Variants in UBE2A observed in about 807,000 individuals in gnomAD.
UBE2A encodes ubiquitin conjugating enzyme E2 A.
For synonymous variants in UBE2A, 39 were observed against 41.1 expected (o/e 0.95, Z 0.20); for missense variants, 27 against 125.8 (o/e 0.21, Z 3.76).
Position 119,583,138 on chromosome X carries a change from T to C in UBE2A, c.342T>C (p.Asp114=), listed in dbSNP as rs1034217853. Residue 114 remains aspartate, a synonymous_variant, in exon 6 of 6, where the codon GAT becomes GAC. Transcript: ENST00000371558. ...AATTGTCTCTTTAGTCTCTGTTGGA[T>C]GAACCCAATCCCAATAGTCCAGCAA... The part of the protein sequence containing the change: ...SILTSIQSLL[D]EPNPNSPANS... 5.8e-6 allele frequency: 7 copies of C among 1,211,652 alleles called. No individual in the cohort carries two copies. Among genetic ancestry groups the C allele is most frequent in the Non-Finnish European group, 7.8e-6 (7 of 895,459 alleles).
At chrX:119,582,433 G>C (rs2053455815) in intron 4 of UBE2A, 155 bp from the exon 5 acceptor site, 1 of 405,028 alleles carries the variant, frequency 2.5e-6, no homozygotes, top group African/African-American at 2.5e-5. Flanking sequence ...CACTAGTGGT[G>C]GTTATGACTT....
Position 119,584,101 on chromosome X carries a change from C to T in UBE2A, c.*846C>T, listed in dbSNP as rs908560818. On this transcript the variant is annotated 3_prime_UTR_variant, in exon 6 of 6. Transcript: ENST00000371558. ...CTTTATTTTAGAGTTTTAATGAATT[C>T]AAGGAAGGGAGCATAGCATATCTGT... 8.9e-6 allele frequency: 1 copy of T among 112,228 alleles called. No homozygotes were observed. The highest frequency in any genetic ancestry group is 3.2e-5 in the African/African-American group (1 of 30,782). 9.2% of individuals were successfully genotyped at this position (112,228 alleles called of 1,213,427 possible).
At chrX:119,582,426 T>C in intron 4 of UBE2A, 162 bp from the exon 5 acceptor site, 1 of 395,236 alleles carries the variant, frequency 2.5e-6, no homozygotes, top group East Asian at 4.4e-5. Context: ...ATTATTTCAC[T>C]AGTGGTGGTT....
intron 3 of UBE2A, among the ~76,000 whole-genome samples, chrX:119,579,686 T>C (rs2053438981): frequency 8.9e-6 from 1 of 112,066 alleles, no homozygotes; most frequent in Non-Finnish European, 1.9e-5. Context: ...GAGCTCATGC[T>C]CTTAGCAGTG....
At chrX:119,577,635 C>CTTTTTTT (rs11380086) in intron 3 of UBE2A, among the ~76,000 whole-genome samples, 25 of 56,782 alleles carry the variant, frequency 4.4e-4, no homozygotes, top group Non-Finnish European at 5.4e-4. Context: ...AAAATTTTAG[C>CTTTTTTT]TTTTTTTTTT....
intron 4 of UBE2A, 29 bp from the exon 5 acceptor site, chrX:119,582,559 G>A (rs746440350): frequency 4.8e-5 from 53 of 1,104,615 alleles, no homozygotes; most frequent in Middle Eastern, 4.9e-4. Flanking sequence ...GTCTTGTTAC[G>A]TTTAATGTAC....
At chrX:119,580,440 CTGT>C (rs1424247864) in intron 3 of UBE2A, 2 of 112,009 alleles carry the variant, frequency 1.8e-5, no homozygotes, top group African/African-American at 6.5e-5. Context: ...GAAGTATGGT[CTGT>C]TGTTTTAGAA....
chrX:119,575,179 G>T, intron 2 of UBE2A, 196 bp from the exon 3 acceptor site: 1 of 748,201 alleles, frequency 1.3e-6, no homozygotes. Context: ...GGGGTTCTAG[G>T]GGGGCGGGGC....
Position 119,583,435 on chromosome X carries a change from C to A in UBE2A, c.*180C>A. 1 of 585,637 alleles carries A rather than the reference C, an allele frequency of 1.7e-6. No homozygotes were observed. The allele number at this position is 585,637 out of a possible 1,213,427, so 48.3% of individuals were successfully genotyped here. On this transcript the variant is annotated 3_prime_UTR_variant, in exon 6 of 6. Transcript: ENST00000371558. ...CCTCTCCTTAAACATCAGAAAACAC[C>A]CTCTATGAAATCAAATGTACTGTAC...
chrX:119,579,850 T>C (rs1047831180), intron 3 of UBE2A, among the ~76,000 whole-genome samples: 1 of 112,266 alleles, frequency 8.9e-6, no homozygotes, highest in Non-Finnish European at 1.9e-5. Context: ...TTTAGTCAGA[T>C]TGCAACATTG....
intron 2 of UBE2A, 67 bp from the exon 3 acceptor site, chrX:119,575,308 A>C: frequency 1.7e-6 from 2 of 1,197,028 alleles, no homozygotes; most frequent in Non-Finnish European, 2.3e-6. Flanking sequence ...CGGGATAGCC[A>C]TCTCAGATGA....
At chrX:119,583,070 C>G (rs1342472591) in intron 5 of UBE2A, 57 bp from the exon 6 acceptor site, 15 of 1,189,225 alleles carry the variant, frequency 1.3e-5, no homozygotes, top group Non-Finnish European at 1.3e-5. Context: ...GTGTCACTAC[C>G]TTATAAAATA....
chrX:119,578,505 A>G lies in UBE2A; in HGVS notation c.152-3002A>G, dbSNP rs187769603. ...AGTCCACTAAGAGTGTTTTAAATAT[A>G]AATAAATCCTATGATGAAGAGTTTT... On this transcript the variant is annotated intron_variant, in intron 3 of 5. Coordinates refer to ENST00000371558, the MANE Select transcript of UBE2A (RefSeq NM_003336.4). Among the ~76,000 whole-genome samples, 182 of 111,762 alleles carry G rather than the reference A, an allele frequency of 1.6e-3. 1 individual carries two copies. The South Asian group carries it at 0.022, about 13-fold the overall frequency.
intron 3 of UBE2A, chrX:119,576,978 C>A (rs922415207): frequency 8.9e-6 from 1 of 111,940 alleles, no homozygotes; most frequent in African/African-American, 3.3e-5. Flanking sequence ...GGCTGGAGTG[C>A]GATGGTGTGA....
intron 3 of UBE2A, among the ~76,000 whole-genome samples, chrX:119,578,050 T>C (rs769684312): frequency 8.9e-6 from 1 of 111,895 alleles, no homozygotes; most frequent in African/African-American, 3.2e-5. Flanking sequence ...CAATGTATTA[T>C]GTTATTAATT....
At chrX:119,578,823 T>G (rs1364017913) in intron 3 of UBE2A, among the ~76,000 whole-genome samples, 1 of 111,860 alleles carries the variant, frequency 8.9e-6, no homozygotes, top group Non-Finnish European at 1.9e-5. Context: ...ATTGATACTT[T>G]CCTTACGATG....
At chrX:119,577,257 C>T (rs2053421838) in intron 3 of UBE2A, among the ~76,000 whole-genome samples, 1 of 112,024 alleles carries the variant, frequency 8.9e-6, no homozygotes, top group Non-Finnish European at 1.9e-5. Flanking sequence ...TTTAAATGTA[C>T]AGATTAACTG....
At position 119,583,605 on chromosome X, in the gene UBE2A, A is replaced by AG. The variant is rs1209227349; in HGVS notation, c.*352dup. The AG allele has an allele frequency of 9.4e-6, 2 of 212,094 alleles. No individual in the cohort carries two copies. Among genetic ancestry groups the AG allele is most frequent in the East Asian group, 2.3e-4 (2 of 8,580 alleles). The allele number at this position is 212,094 out of a possible 1,213,427, so 17.5% of individuals were successfully genotyped here. ...GGTGCTTATGCTTAGCTTGATGACCAGGATGTTATTTTTAACAAAATGATT... is the reference window on the plus strand; with the variant it reads ...GGTGCTTATGCTTAGCTTGATGACCAGGGATGTTATTTTTAACAAAATGATT... On this transcript the variant is annotated 3_prime_UTR_variant, in exon 6 of 6. Transcript: ENST00000371558.
At chrX:119,577,457 A>G (rs976712027) in intron 3 of UBE2A, among the ~76,000 whole-genome samples, 4 of 110,185 alleles carry the variant, frequency 3.6e-5, no homozygotes, top group East Asian at 2.8e-4. Flanking sequence ...ATTATCTACC[A>G]GGACTGTCAC....
Sources: allele counts gnomAD v4.1 joint callset (sites outside exome capture counted in the v4.1 genomes callset), GRCh38; gene constraint gnomAD v4.1.1; transcripts MANE v1.5; gene names NCBI Gene and HGNC (gene_info 2026-07-23, HGNC 2026-07-21).